The following BBS9 variants were observed in gnomAD, a reference collection of about 807,000 sequenced individuals.
BBS9 encodes protein PTHB1.
A neutral mutation model predicts 117.7 loss-of-function variants in BBS9; 89 were observed. That is an observed-to-expected ratio of 0.76 (90% CI 0.64 to 0.90). BBS9 has a LOEUF of 0.90. BBS9 is among the 40% of genes least tolerant of loss of function. The probability of loss-of-function intolerance (pLI) is 0.00; values close to 1 mark genes in which losing one functional copy is unlikely to be tolerated. For synonymous variants in BBS9, 379 were observed against 370.9 expected (o/e 1.02, Z -0.25); for missense variants, 982 against 1,042.2 (o/e 0.94, Z 0.80).
At chr7:33,247,345 T>C (rs372873649) in intron 5 of BBS9, among the ~76,000 whole-genome samples, 1 of 152,084 alleles carries the variant, frequency 6.6e-6, no homozygotes, top group African/African-American at 2.4e-5. Flanking sequence ...CTGATAGAGC[T>C]CCCAGGGGTC....
chr7:33,264,371 A>T lies in BBS9; in HGVS notation c.699A>T (p.Leu233=). ...EQQKLGSGKR[L]VVDWTLNIGE... is the part of the protein sequence containing the mutation. ...AAAAACTTGGTTCTGGAAAAAGACT[A>T]GTTGTAAGGCCTTTTTTTAATATAT... Residue 233 remains leucine, a synonymous_variant, in exon 7 of 23, where the codon CTA becomes CTT. Transcript: ENST00000242067. The T allele has an allele frequency of 6.4e-7, 1 of 1,570,134 alleles. No homozygotes were observed. Among genetic ancestry groups the T allele is most frequent in the Non-Finnish European group, 8.7e-7 (1 of 1,153,216 alleles).
intron 13 of BBS9, among the ~76,000 whole-genome samples, chr7:33,350,659 A>G (rs1319386459): frequency 3.3e-5 from 5 of 152,302 alleles, no homozygotes; most frequent in Admixed American, 2.0e-4. Context: ...AAAGAACAGC[A>G]GTGGTGTAGA....
At chr7:33,548,518 C>T (rs1251495776) in intron 21 of BBS9, among the ~76,000 whole-genome samples, 6 of 123,142 alleles carry the variant, frequency 4.9e-5, no homozygotes, top group Admixed American at 9.9e-5. Context: ...CCACCACAGT[C>T]CCCAGAGTGT....
chr7:33,311,677 T>C (rs1809262775), intron 9 of BBS9, among the ~76,000 whole-genome samples: 1 of 151,938 alleles, frequency 6.6e-6, no homozygotes. Flanking sequence ...ATTAGCCGGG[T>C]GTGGTGGCAT....
intron 9 of BBS9, among the ~76,000 whole-genome samples, chr7:33,314,952 GC>G (rs1384976036): frequency 6.6e-6 from 1 of 152,168 alleles, no homozygotes; most frequent in East Asian, 1.9e-4. Context: ...GGTTGATTGT[GC>G]CAATTAGCTT....
At chr7:33,424,251 A>C (rs1052593596) in intron 19 of BBS9, among the ~76,000 whole-genome samples, 4 of 152,222 alleles carry the variant, frequency 2.6e-5, no homozygotes, top group African/African-American at 9.6e-5. Context: ...AATAGAGAGA[A>C]GATTACTTTC....
chr7:33,147,557 T>C (rs1584145640), intron 2 of BBS9, among the ~76,000 whole-genome samples: 1 of 152,138 alleles, frequency 6.6e-6, no homozygotes, highest in Admixed American at 6.5e-5. Flanking sequence ...TATTGGAAGG[T>C]TCCTCAACCC....
chr7:33,436,475 T>C (rs969087698), intron 19 of BBS9, among the ~76,000 whole-genome samples: 4 of 152,258 alleles, frequency 2.6e-5, no homozygotes, highest in African/African-American at 9.6e-5. Flanking sequence ...CTAAGGATTA[T>C]ATAATTGATA....
chr7:33,496,947 A>G (rs1404145909), intron 19 of BBS9, among the ~76,000 whole-genome samples: 2 of 152,184 alleles, frequency 1.3e-5, no homozygotes, highest in East Asian at 3.9e-4. Context: ...CCCTGGTAAA[A>G]TCTTTTCTTT....
At chr7:33,475,034 G>GC (rs1841608915) in intron 19 of BBS9, among the ~76,000 whole-genome samples, 1 of 152,146 alleles carries the variant, frequency 6.6e-6, no homozygotes, top group Admixed American at 6.5e-5. Context: ...AATAGTCTTT[G>GC]CCTTCCTAAG....
At chr7:33,246,981 T>C (rs527263082) in intron 5 of BBS9, among the ~76,000 whole-genome samples, 1 of 152,268 alleles carries the variant, frequency 6.6e-6, no homozygotes, top group East Asian at 1.9e-4. Context: ...AGCCAACAGT[T>C]CCCACAGACC....
At chr7:33,208,124 A>G (rs539199955) in intron 5 of BBS9, among the ~76,000 whole-genome samples, 1 of 152,068 alleles carries the variant, frequency 6.6e-6, no homozygotes, top group South Asian at 2.1e-4. Context: ...AAATAACTTA[A>G]AAGTCATGCA....
At chr7:33,367,089 T>G (rs971608388) in intron 16 of BBS9, among the ~76,000 whole-genome samples, 2 of 152,224 alleles carry the variant, frequency 1.3e-5, no homozygotes, top group Admixed American at 1.3e-4. Flanking sequence ...CTTTCACACT[T>G]TCTTCATTTT....
intron 9 of BBS9, among the ~76,000 whole-genome samples, chr7:33,320,719 T>G (rs910892036): frequency 1.3e-5 from 2 of 152,152 alleles, no homozygotes; most frequent in African/African-American, 4.8e-5. Flanking sequence ...AATGTATGAG[T>G]GTTCCCTTTT....
At position 33,477,625 on chromosome 7, in the gene BBS9, C is replaced by T. The variant is rs562688568; in HGVS notation, c.2116-27838C>T. Reference sequence around the variant, plus strand: ...GTGGCAAGTACTGGCTCAGCTAGAACTTTTAGAAGTTCAGAATTAGAAGTT... The same window carrying T: ...GTGGCAAGTACTGGCTCAGCTAGAATTTTTAGAAGTTCAGAATTAGAAGTT... On this transcript the variant is annotated intron_variant, in intron 19 of 22. Coordinates refer to ENST00000242067, the MANE Select transcript of BBS9 (RefSeq NM_198428.3). 7.2e-5 allele frequency among the ~76,000 whole-genome samples: 11 copies of T among 152,296 alleles called. No individual in the cohort carries two copies. The South Asian group carries it at 2.1e-3, about 29-fold the overall frequency.
chr7:33,602,589 A>G (rs1971893), intron 21 of BBS9, among the ~76,000 whole-genome samples: 10,518 of 152,202 alleles, frequency 0.069, 635 homozygotes, highest in African/African-American at 0.16. Context: ...TTAGCTGGGC[A>G]TGGTGGCGCA....
intron 16 of BBS9, among the ~76,000 whole-genome samples, chr7:33,361,029 A>T (rs1157080520): frequency 6.6e-6 from 1 of 152,118 alleles, no homozygotes; most frequent in East Asian, 1.9e-4. Flanking sequence ...AGGTAGGGGG[A>T]AGAAATAGCT....
intron 5 of BBS9, among the ~76,000 whole-genome samples, chr7:33,227,584 A>C (rs1487687526): frequency 2.0e-5 from 3 of 152,076 alleles, no homozygotes; most frequent in African/African-American, 7.2e-5. Context: ...AGTGTACTCA[A>C]TATGTGGTCT....
At chr7:33,467,560 C>CCT (rs1563215324) in intron 19 of BBS9, among the ~76,000 whole-genome samples, 1 of 67,598 alleles carries the variant, frequency 1.5e-5, no homozygotes, top group African/African-American at 8.3e-5. Flanking sequence ...GCTGTGGGAA[C>CCT]CCCCCAACTC....
Sources: gnomAD v4.1 joint callset for allele counts (sites outside exome capture counted in the v4.1 genomes callset) on GRCh38, gnomAD v4.1.1 for gene constraint, MANE v1.5 for transcripts, NCBI Gene and HGNC (gene_info 2026-07-23, HGNC 2026-07-21) for gene names.